The following PTPRK variants were observed in gnomAD, a reference collection of about 807,000 sequenced individuals.
PTPRK encodes the protein protein tyrosine phosphatase receptor type K, also known as receptor-type tyrosine-protein phosphatase kappa.
A neutral mutation model predicts 178.0 loss-of-function variants in PTPRK; 75 were observed. The observed-to-expected ratio is 0.42, with a 90% CI of 0.35 to 0.51. The LOEUF is 0.51. PTPRK is among the 20% of genes least tolerant of loss of function. PTPRK has a pLI of 0.02. For missense variants in PTPRK, 1,441 were observed against 1,797.8 expected, an observed-to-expected ratio of 0.80 and a Z score of 3.59; for synonymous variants, 637 against 620.6, an observed-to-expected ratio of 1.03 and a Z score of -0.39.
rs558124938 is a variant in PTPRK, at chr6:128,059,566, T to C, written c.2194+5192A>G. Among the ~76,000 whole-genome samples, 10 of 152,290 alleles carry C rather than the reference T, an allele frequency of 6.6e-5. No individual in the cohort carries two copies. In the South Asian group the frequency reaches 2.1e-3, roughly 32 times the overall value. ...TTCCAGTCTCTTCTAAGTATGTGAT[T>C]ACAGCATTACAAATTAGGTTAGAAA... On this transcript the variant is annotated intron_variant, in intron 13 of 29. Coordinates refer to ENST00000368226, the MANE Select transcript of PTPRK (RefSeq NM_002844.4).
intron 2 of PTPRK, among the ~76,000 whole-genome samples, chr6:128,383,267 T>A (rs1384684202): frequency 2.0e-5 from 3 of 152,032 alleles, no homozygotes; most frequent in Non-Finnish European, 4.4e-5. Flanking sequence ...AAAAATATAA[T>A]CTTCCAATAC....
intron 13 of PTPRK, among the ~76,000 whole-genome samples, chr6:128,036,044 T>C (rs997052379): frequency 6.6e-6 from 1 of 152,210 alleles, no homozygotes; most frequent in Non-Finnish European, 1.5e-5. Context: ...CGTATGTTGG[T>C]AAATGGAATG....
intron 3 of PTPRK, among the ~76,000 whole-genome samples, chr6:128,246,378 T>C (rs1252034305): frequency 2.0e-5 from 3 of 152,180 alleles, no homozygotes; most frequent in Non-Finnish European, 2.9e-5. Context: ...AATTGAGCTT[T>C]ACTCAGGACA....
chr6:128,344,312 T>G lies in PTPRK; in HGVS notation c.224-22002A>C, dbSNP rs577525117. ...ACTCTCAGAAACCCTCCCATCACCA[T>G]TTAGTAAATGAAATCACACTCATCT... is the stretch of plus-strand genomic sequence containing the variant. On this transcript the variant is annotated intron_variant, in intron 2 of 29. Coordinates refer to ENST00000368226, the MANE Select transcript of PTPRK (RefSeq NM_002844.4). Among the ~76,000 whole-genome samples, 9 of 152,270 alleles carry G rather than the reference T, an allele frequency of 5.9e-5. No individual in the cohort carries two copies. In the East Asian group the frequency reaches 9.6e-4, roughly 16 times the overall value.
intron 1 of PTPRK, among the ~76,000 whole-genome samples, chr6:128,426,630 T>A (rs561771676): frequency 6.6e-6 from 1 of 152,222 alleles, no homozygotes; most frequent in Non-Finnish European, 1.5e-5. Flanking sequence ...AGGAACAAGA[T>A]GTAACATTTT....
rs149805903 is a variant in PTPRK, at chr6:128,084,545, A to G, written c.1466-721T>C. 3.6e-3 allele frequency among the ~76,000 whole-genome samples: 549 copies of G among 152,290 alleles called. 4 individuals carry two copies. Among genetic ancestry groups the G allele is most frequent in the African/African-American group, 0.012 (502 of 41,556 alleles). ...TTAGAACTCAACGATCTGCACAACT[A>G]CTTTGGAAGTGTCCTCAGCTATGAC... is the stretch of plus-strand genomic sequence containing the variant. On this transcript the variant is annotated intron_variant, in intron 8 of 29. Coordinates refer to ENST00000368226, the MANE Select transcript of PTPRK (RefSeq NM_002844.4).
intron 14 of PTPRK, 37 bp from the exon 15 acceptor site, chr6:128,005,281 T>C (rs1190117944): frequency 5.6e-6 from 9 of 1,606,476 alleles, no homozygotes; most frequent in East Asian, 2.2e-5. Context: ...CCTTAGTGTT[T>C]GAGGCTTGCA....
intron 3 of PTPRK, among the ~76,000 whole-genome samples, chr6:128,277,806 A>G (rs1442244360): frequency 6.6e-6 from 1 of 151,968 alleles, no homozygotes; most frequent in East Asian, 1.9e-4. Context: ...GTATGGAGAA[A>G]ATTTGCAGAA....
At position 128,211,460 on chromosome 6, in the gene PTPRK, G is replaced by A. The variant is rs142735948; in HGVS notation, c.868+7462C>T. Among the ~76,000 whole-genome samples the A allele has an allele frequency of 9.6e-3, 1,455 of 152,152 alleles. 9 individuals carry two copies. Among genetic ancestry groups the A allele is most frequent in the Middle Eastern group, 0.02 (6 of 294 alleles). ...AAACATCATTTATCTTAACCCAGAT[G>A]GGAAAGCAAGCAATTTCTGTGGTAC... On this transcript the variant is annotated intron_variant, in intron 6 of 29. Transcript: ENST00000368226.
intron 3 of PTPRK, among the ~76,000 whole-genome samples, chr6:128,308,368 T>C (rs1335019220): frequency 6.6e-6 from 1 of 151,832 alleles, no homozygotes; most frequent in African/African-American, 2.4e-5. Context: ...CATACATATA[T>C]TATTATTATT....
chr6:128,300,124 C>T (rs1825315547), intron 3 of PTPRK, among the ~76,000 whole-genome samples: 4 of 152,160 alleles, frequency 2.6e-5, no homozygotes, highest in Non-Finnish European at 1.5e-5. Flanking sequence ...TGAAAAAATG[C>T]TCACCATCAC....
At chr6:128,319,260 T>C (rs1311082557) in intron 3 of PTPRK, among the ~76,000 whole-genome samples, 2 of 152,192 alleles carry the variant, frequency 1.3e-5, no homozygotes, top group Non-Finnish European at 2.9e-5. Context: ...TATTTACCTC[T>C]CTTATGTCAT....
At chr6:128,192,394 C>T (rs1803955183) in intron 6 of PTPRK, among the ~76,000 whole-genome samples, 2 of 152,060 alleles carry the variant, frequency 1.3e-5, no homozygotes, top group African/African-American at 4.8e-5. Flanking sequence ...TTGTTAGGTG[C>T]CCACAAAACA....
intron 2 of PTPRK, among the ~76,000 whole-genome samples, chr6:128,368,230 C>G (rs997727814): frequency 7.3e-5 from 11 of 151,682 alleles, no homozygotes; most frequent in African/African-American, 2.4e-4. Context: ...TGACAGAGAG[C>G]AGAGAATATA....
At chr6:128,227,921 G>T (rs1305451788) in intron 5 of PTPRK, among the ~76,000 whole-genome samples, 3 of 151,832 alleles carry the variant, frequency 2.0e-5, no homozygotes, top group Non-Finnish European at 4.4e-5. Context: ...CAAACAATGA[G>T]AACACATGGA....
At chr6:128,209,975 A>G (rs1204290686) in intron 6 of PTPRK, among the ~76,000 whole-genome samples, 1 of 152,160 alleles carries the variant, frequency 6.6e-6, no homozygotes, top group African/African-American at 2.4e-5. Flanking sequence ...GGAAGCTGCC[A>G]GTGCCAGGGG....
chr6:128,097,856 T>A (rs534465062), intron 7 of PTPRK, among the ~76,000 whole-genome samples: 3 of 152,258 alleles, frequency 2.0e-5, no homozygotes, highest in African/African-American at 4.8e-5. Flanking sequence ...AGCAACAGTA[T>A]AAATCATAGA....
intron 3 of PTPRK, among the ~76,000 whole-genome samples, chr6:128,274,465 T>C (rs569716808): frequency 6.6e-6 from 1 of 152,234 alleles, no homozygotes; most frequent in Non-Finnish European, 1.5e-5. Flanking sequence ...GAAAATACTA[T>C]TGAGGGCATT....
At chr6:128,389,131 A>G (rs543140284) in intron 2 of PTPRK, among the ~76,000 whole-genome samples, 2 of 152,202 alleles carry the variant, frequency 1.3e-5, no homozygotes, top group Admixed American at 6.5e-5. Context: ...AATTTAGAAA[A>G]TGTTCACTTT....
Sources: allele counts gnomAD v4.1 joint callset (sites outside exome capture counted in the v4.1 genomes callset), GRCh38; gene constraint gnomAD v4.1.1; transcripts MANE v1.5; gene names NCBI Gene and HGNC (gene_info 2026-07-23, HGNC 2026-07-21).